Variants in TNRC6B observed in about 807,000 individuals in gnomAD.
The protein encoded by TNRC6B is trinucleotide repeat containing adaptor 6B.
Under a neutral mutation model 203.6 loss-of-function variants are expected in TNRC6B, and 52 were observed. That is an observed-to-expected ratio of 0.26 (90% confidence interval 0.20 to 0.32). The LOEUF (loss-of-function observed/expected upper bound fraction) is 0.32. Ranked by LOEUF, TNRC6B falls within the 10% of genes least tolerant of loss-of-function variation. TNRC6B has a pLI of 1.00. For missense variants in TNRC6B, 1,923 were observed against 2,286.2 expected, an observed-to-expected ratio of 0.84 and a Z score of 3.24; for synonymous variants, 838 against 845.7, an observed-to-expected ratio of 0.99 and a Z score of 0.16.
intron 3 of TNRC6B, 92 bp downstream of exon 3, chr22:40,251,292 A>T: frequency 2.0e-6 from 2 of 1,014,034 alleles, no homozygotes; most frequent in South Asian, 3.3e-5. Flanking sequence ...CACTGAAAAG[A>T]GAGTGGGCGT....
intron 9 of TNRC6B, among the ~76,000 whole-genome samples, chr22:40,279,496 C>G (rs982463387): frequency 6.6e-6 from 1 of 152,154 alleles, no homozygotes; most frequent in Non-Finnish European, 1.5e-5. Flanking sequence ...GTGTTCAGCT[C>G]TTAAGTTCTA....
intron 1 of TNRC6B, among the ~76,000 whole-genome samples, chr22:40,195,271 T>C (rs1288316830): frequency 7.2e-5 from 11 of 152,230 alleles, no homozygotes; most frequent in Admixed American, 7.2e-4. Context: ...CAAGGAAGTT[T>C]AGATATTTCA....
chr22:40,064,522 T>G (rs1236679634), intron 1 of TNRC6B, among the ~76,000 whole-genome samples: 2 of 152,196 alleles, frequency 1.3e-5, no homozygotes, highest in African/African-American at 2.4e-5. Context: ...TTGTTATTTA[T>G]TCTACTGATG....
intron 1 of TNRC6B, among the ~76,000 whole-genome samples, chr22:40,217,489 C>T (rs1601892267): frequency 6.6e-6 from 1 of 152,126 alleles, no homozygotes; most frequent in South Asian, 2.1e-4. Flanking sequence ...CCTACTACTA[C>T]GTGTAAGGCA....
intron 1 of TNRC6B, among the ~76,000 whole-genome samples, chr22:40,060,854 G>A (rs1361176588): frequency 6.6e-6 from 1 of 152,164 alleles, no homozygotes; most frequent in Non-Finnish European, 1.5e-5. Context: ...CTTTTTATCA[G>A]GAGTTAGTTT....
chr22:40,253,851 T>G (rs2070230453), intron 3 of TNRC6B, among the ~76,000 whole-genome samples: 1 of 152,184 alleles, frequency 6.6e-6, no homozygotes, highest in African/African-American at 2.4e-5. Context: ...CTGACATGTC[T>G]GGGGAACGTG....
In TNRC6B at chr22:40,327,956, A is replaced by G. The variant is rs1182752944; in HGVS notation, c.*4715A>G. On this transcript the variant is annotated 3_prime_UTR_variant, in exon 23 of 23. Transcript: ENST00000454349. ...GTTTCTACCTACCACACGAGTAGCC[A>G]AAAGAAAAGAAGCACTAATAGAGAA... 6.6e-6 allele frequency: 1 copy of G among 152,184 alleles called. No homozygotes were observed. Among genetic ancestry groups the G allele is most frequent in the Non-Finnish European group, 1.5e-5 (1 of 68,042 alleles). 9.4% of individuals were successfully genotyped at this position (152,184 alleles called of 1,614,324 possible).
At chr22:40,288,686 G>A (rs890688255) in intron 12 of TNRC6B, among the ~76,000 whole-genome samples, 1 of 152,032 alleles carries the variant, frequency 6.6e-6, no homozygotes, top group African/African-American at 2.4e-5. Flanking sequence ...GGGACTACAG[G>A]AGTGTGCCAC....
At chr22:40,274,971 C>G (rs75863537) in intron 7 of TNRC6B, among the ~76,000 whole-genome samples, 1,688 of 152,316 alleles carry the variant, frequency 0.011, 16 homozygotes, top group Non-Finnish European at 0.019. Flanking sequence ...TCTTGGCACC[C>G]TATGAAACGG....
intron 4 of TNRC6B, among the ~76,000 whole-genome samples, chr22:40,264,390 A>G (rs1045842980): frequency 1.3e-5 from 2 of 152,178 alleles, no homozygotes; most frequent in Admixed American, 6.5e-5. Flanking sequence ...GATACAGAGC[A>G]AGTTTAGAGT....
At position 40,322,894 on chromosome 22, in the gene TNRC6B, A is replaced by G. The variant is rs1179237892; in HGVS notation, c.5155A>G (p.Thr1719Ala). The change falls in exon 23 of 23, where the codon ACT (threonine) becomes GCT (alanine). Residue 1719 changes from threonine to alanine, a missense_variant. Transcript: ENST00000454349. ...CACTACCATCCTTGCTGAGTTTGCCACTGATGATGAAGTCAGCCGCTTTCT... is the reference window on the plus strand; with the variant it reads ...CACTACCATCCTTGCTGAGTTTGCCGCTGATGATGAAGTCAGCCGCTTTCT... ...GNTTILAEFA[T>A]DDEVSRFLAQ... 6.2e-7 allele frequency: 1 copy of G among 1,613,952 alleles called. No homozygotes were observed.
intron 2 of TNRC6B, among the ~76,000 whole-genome samples, chr22:40,117,585 T>C (rs6001774): frequency 0.38 from 57,884 of 152,106 alleles, 16,648 homozygotes; most frequent in African/African-American, 0.81. Context: ...ACATTTCTGG[T>C]TGCTTTTTTA....
chr22:40,232,676 A>G (rs2146452105), intron 1 of TNRC6B, among the ~76,000 whole-genome samples: 1 of 152,334 alleles, frequency 6.6e-6, no homozygotes, highest in Admixed American at 6.5e-5. Context: ...ATTGTTGGTT[A>G]TAGCTTTTGC....
At position 40,053,754 on chromosome 22, in the gene TNRC6B, CAG is replaced by C. The variant is rs367797828; in HGVS notation, c.-121+8759_-121+8760del. On this transcript the variant is annotated intron_variant, in intron 1 of 23. Coordinates refer to the TNRC6B transcript ENST00000301923. Reference sequence around the variant, plus strand: ...ACTTGAAGTAAGTTACTTAGCTTTGCAGAGTCTTAGTTTTTTCTTTTGCAAGT... The same window carrying C: ...ACTTGAAGTAAGTTACTTAGCTTTGCAGTCTTAGTTTTTTCTTTTGCAAGT... 3.7e-4 allele frequency among the ~76,000 whole-genome samples: 57 copies of C among 152,302 alleles called. 1 individual carries two copies. Among genetic ancestry groups the C allele is most frequent in the African/African-American group, 1.3e-3 (55 of 41,572 alleles).
At chr22:40,156,513 G>T (rs947101920) in intron 4 of TNRC6B, among the ~76,000 whole-genome samples, 1 of 152,094 alleles carries the variant, frequency 6.6e-6, no homozygotes, top group African/African-American at 2.4e-5. Flanking sequence ...CCTTTTCTCA[G>T]TATTGTCTTT....
upstream of TNRC6B, among the ~76,000 whole-genome samples, chr22:40,176,118 T>C (rs1019147099): frequency 1.3e-5 from 2 of 150,560 alleles, no homozygotes; most frequent in Non-Finnish European, 3.0e-5. Flanking sequence ...GGCATTCTCA[T>C]GCACTTTTTT....
chr22:40,245,029 A>G (rs1016365385), intron 1 of TNRC6B, among the ~76,000 whole-genome samples: 3 of 152,186 alleles, frequency 2.0e-5, no homozygotes, highest in South Asian at 2.1e-4. Flanking sequence ...GTCTTAATTC[A>G]TGTGTACGGG....
intron 2 of TNRC6B, among the ~76,000 whole-genome samples, chr22:40,250,366 C>G (rs1164985436): frequency 6.6e-6 from 1 of 152,190 alleles, no homozygotes; most frequent in Non-Finnish European, 1.5e-5. Context: ...ATCATCATTT[C>G]CAAACTCTCT....
intron 1 of TNRC6B, among the ~76,000 whole-genome samples, chr22:40,222,052 C>A (rs1032873663): frequency 2.6e-5 from 4 of 152,104 alleles, no homozygotes; most frequent in African/African-American, 9.7e-5. Flanking sequence ...AAAGTGGAGA[C>A]CAACTAAGTC....
Sources: allele counts gnomAD v4.1 joint callset (sites outside exome capture counted in the v4.1 genomes callset), GRCh38; gene constraint gnomAD v4.1.1; transcripts MANE v1.5; gene names NCBI Gene and HGNC (gene_info 2026-07-23, HGNC 2026-07-21).